The following GPC5 variants were observed in gnomAD, a reference collection of about 807,000 sequenced individuals.
The protein encoded by GPC5 is glypican 5.
GPC5 carries 47 observed loss-of-function variants against 53.9 expected under a neutral mutation model. The observed-to-expected ratio is 0.87, with a 90% CI of 0.69 to 1.11. The LOEUF (loss-of-function observed/expected upper bound fraction) is 1.11, where lower values mean the gene tolerates loss of function less well. Ranked by LOEUF, GPC5 falls within the 50% of genes most tolerant of loss-of-function variation. The pLI, the probability that GPC5 is intolerant of heterozygous loss-of-function variation, is 0.00. For missense variants in GPC5, 748 were observed against 713.1 expected, an observed-to-expected ratio of 1.05 and a Z score of -0.56; for synonymous variants, 286 against 263.3, an observed-to-expected ratio of 1.09 and a Z score of -0.84.
At position 92,825,016 on chromosome 13, in the gene GPC5, G is replaced by A. The variant is rs9561170; in HGVS notation, c.1562-41266G>A. Among the ~76,000 whole-genome samples, 3,990 of 152,020 alleles carry A rather than the reference G, an allele frequency of 0.026. 386 individuals are homozygous for A. The East Asian group carries it at 0.33, about 12-fold the overall frequency. On this transcript the variant is annotated intron_variant, in intron 7 of 7. Coordinates refer to ENST00000377067, the MANE Select transcript of GPC5 (RefSeq NM_004466.6). ...TTTTCTTTCTTAAATCAATCAACAC[G>A]TCAGACAGACTGTATAATTTAGGCA...
intron 5 of GPC5, among the ~76,000 whole-genome samples, chr13:91,784,278 A>G (rs1275094874): frequency 6.6e-6 from 1 of 152,200 alleles, no homozygotes; most frequent in East Asian, 1.9e-4. Flanking sequence ...GATGAAAAAA[A>G]TTTGTATCAA....
chr13:92,548,780 C>T (rs1234590983), intron 7 of GPC5, among the ~76,000 whole-genome samples: 2 of 152,018 alleles, frequency 1.3e-5, no homozygotes. Flanking sequence ...TCTTGGTCTA[C>T]TTTGTTAATA....
At chr13:92,301,211 T>C (rs542541002) in intron 7 of GPC5, among the ~76,000 whole-genome samples, 3 of 152,328 alleles carry the variant, frequency 2.0e-5, no homozygotes, top group South Asian at 4.1e-4. Flanking sequence ...TCCTAACTTA[T>C]AATGTTTTCA....
At chr13:92,304,314 C>T (rs1050627563) in intron 7 of GPC5, among the ~76,000 whole-genome samples, 5 of 151,858 alleles carry the variant, frequency 3.3e-5, no homozygotes, top group Non-Finnish European at 7.4e-5. Context: ...ACATCATTCT[C>T]CTGCCTCAGC....
chr13:91,941,848 G>T (rs949218590), intron 6 of GPC5, among the ~76,000 whole-genome samples: 18 of 152,030 alleles, frequency 1.2e-4, no homozygotes, highest in African/African-American at 4.1e-4. Context: ...CATCTCTTTG[G>T]TAAAGCAAGA....
rs138663572 is a variant in GPC5 at position 92,585,028 on chromosome 13, G to T, written c.1562-281254G>T. The stretch of plus-strand genomic sequence containing the variant: ...TTTGCTGGTGGAGGGGGTAAGGGGG[G>T]GCTCATGGAGAACTTCCGCTAGAGC... On this transcript the variant is annotated intron_variant, in intron 7 of 7. Coordinates refer to ENST00000377067, the MANE Select transcript of GPC5 (RefSeq NM_004466.6). Among the ~76,000 whole-genome samples, 121 of 152,122 alleles carry T rather than the reference G, an allele frequency of 8.0e-4. 3 individuals carry two copies. The South Asian group carries it at 0.024, about 31-fold the overall frequency.
At chr13:92,218,120 G>T (rs530174511) in intron 7 of GPC5, among the ~76,000 whole-genome samples, 1 of 151,716 alleles carries the variant, frequency 6.6e-6, no homozygotes, top group Non-Finnish European at 1.5e-5. Context: ...TAGAGATGGC[G>T]TCTTGCTATG....
intron 5 of GPC5, among the ~76,000 whole-genome samples, chr13:91,783,925 G>A (rs1462828876): frequency 2.6e-5 from 4 of 152,032 alleles, no homozygotes; most frequent in Non-Finnish European, 2.9e-5. Context: ...AATGAGAGAC[G>A]GTTAGTATAA....
chr13:92,773,947 G>T lies in GPC5; in HGVS notation c.1562-92335G>T, dbSNP rs115747585. Among the ~76,000 whole-genome samples the T allele has an allele frequency of 6.4e-3, 978 of 152,278 alleles. 10 individuals carry two copies. Among genetic ancestry groups the T allele is most frequent in the African/African-American group, 0.023 (936 of 41,560 alleles). On this transcript the variant is annotated intron_variant, in intron 7 of 7. Transcript: ENST00000377067. ...GAGGAGCAAAATCATGTCTTACATG[G>T]CAGCAGACAAGAGAGCATGTGCAGG...
chr13:92,588,497 G>C (rs1162347980), intron 7 of GPC5, among the ~76,000 whole-genome samples: 7 of 152,170 alleles, frequency 4.6e-5, no homozygotes, highest in Middle Eastern at 3.2e-3. Context: ...CTTTCCATTT[G>C]TGAAGATCTG....
intron 6 of GPC5, among the ~76,000 whole-genome samples, chr13:92,051,985 T>C (rs2041033507): frequency 6.6e-6 from 1 of 152,136 alleles, no homozygotes; most frequent in South Asian, 2.1e-4. Context: ...AAAGTGCAAA[T>C]GATCAATTTT....
At chr13:91,704,505 A>G (rs2036057478) in intron 3 of GPC5, among the ~76,000 whole-genome samples, 1 of 152,304 alleles carries the variant, frequency 6.6e-6, no homozygotes, top group Non-Finnish European at 1.5e-5. Flanking sequence ...ATACAGCATC[A>G]TGGCAGTCAT....
chr13:91,502,998 C>A (rs1884730405), intron 2 of GPC5, among the ~76,000 whole-genome samples: 1 of 151,972 alleles, frequency 6.6e-6, no homozygotes, highest in Admixed American at 6.6e-5. Context: ...TAAAGTAAAT[C>A]AATTACACTT....
intron 5 of GPC5, among the ~76,000 whole-genome samples, chr13:91,807,888 T>C (rs1414709342): frequency 1.3e-5 from 2 of 152,180 alleles, no homozygotes; most frequent in African/African-American, 4.8e-5. Flanking sequence ...ACATACTAAG[T>C]ACATTTTTTG....
At chr13:92,294,761 T>C (rs34998773) in intron 7 of GPC5, among the ~76,000 whole-genome samples, 12,922 of 151,850 alleles carry the variant, frequency 0.085, 614 homozygotes, top group Middle Eastern at 0.12. Context: ...TGTTCTTGTT[T>C]CTCTAGTTCC....
At chr13:91,890,878 G>A (rs1228757531) in intron 5 of GPC5, among the ~76,000 whole-genome samples, 1 of 152,118 alleles carries the variant, frequency 6.6e-6, no homozygotes, top group African/African-American at 2.4e-5. Context: ...TTTTGTATCA[G>A]CATCTTGGGA....
intron 7 of GPC5, among the ~76,000 whole-genome samples, chr13:92,500,364 C>A (rs1469522353): frequency 2.6e-5 from 4 of 152,102 alleles, no homozygotes; most frequent in Non-Finnish European, 5.9e-5. Flanking sequence ...CAATAAATGA[C>A]AAAAGTCTCA....
chr13:91,600,040 C>G (rs1013162845), intron 2 of GPC5, among the ~76,000 whole-genome samples: 1 of 152,056 alleles, frequency 6.6e-6, no homozygotes, highest in African/African-American at 2.4e-5. Flanking sequence ...TCTGCCTCAG[C>G]CTCCCAAGTA....
chr13:92,151,795 A>G (rs745614407), intron 7 of GPC5, among the ~76,000 whole-genome samples: 12 of 152,196 alleles, frequency 7.9e-5, no homozygotes, highest in Non-Finnish European at 1.6e-4. Context: ...ATATCACATT[A>G]TATGCCAAGA....
Sources: allele counts gnomAD v4.1 joint callset (sites outside exome capture counted in the v4.1 genomes callset), GRCh38; gene constraint gnomAD v4.1.1; transcripts MANE v1.5; gene names NCBI Gene and HGNC (gene_info 2026-07-23, HGNC 2026-07-21).